The following SCN8A variants were observed in gnomAD, a reference collection of about 807,000 sequenced individuals.
SCN8A encodes the protein sodium voltage-gated channel alpha subunit 8, also known as sodium channel protein type 8 subunit alpha.
SCN8A carries 30 observed loss-of-function variants against 184.1 expected under a neutral mutation model. The observed-to-expected ratio is 0.16, with a 90% confidence interval of 0.12 to 0.22. SCN8A has a LOEUF of 0.22. SCN8A is among the 10% of genes least tolerant of loss of function. The probability of loss-of-function intolerance (pLI) is 1.00; values close to 1 mark genes in which losing one functional copy is unlikely to be tolerated. For synonymous variants in SCN8A, 852 were observed against 907.0 expected, an observed-to-expected ratio of 0.94 and a Z score of 1.09; for missense variants, 1,057 against 2,498.9, an observed-to-expected ratio of 0.42 and a Z score of 12.30.
In SCN8A at chr12:51,774,215, G is replaced by A; in HGVS notation, c.3672G>A (p.Gln1224=). Reference sequence around the variant, plus strand: ...CCTTCGAGGACATCTACATTGAGCAGAGAAAGACCATCCGCACCATCCTGG... The same window carrying A: ...CCTTCGAGGACATCTACATTGAGCAAAGAAAGACCATCCGCACCATCCTGG... ...ALAFEDIYIE[Q]RKTIRTILEY... The change falls in exon 20 of 27, where the codon CAG becomes CAA. Residue 1224 remains glutamine (Q), a synonymous_variant. Transcript: ENST00000627620. 1 of 1,613,764 alleles carries A rather than the reference G, an allele frequency of 6.2e-7. No homozygotes were observed. The highest frequency in any genetic ancestry group is 8.5e-7 in the Non-Finnish European group (1 of 1,179,762).
intron 1 of SCN8A, among the ~76,000 whole-genome samples, chr12:51,617,968 T>C (rs1471968440): frequency 6.6e-6 from 1 of 152,178 alleles, no homozygotes; most frequent in Admixed American, 6.5e-5. Context: ...CATGCACAGC[T>C]TGGAGATGAG....
rs763887945 is a variant in SCN8A at position 51,746,034 on chromosome 12, A to C, written c.2130A>C (p.Glu710Asp). 7 of 1,602,934 alleles carry C rather than the reference A, an allele frequency of 4.4e-6. No individual in the cohort carries two copies. The East Asian group carries it at 1.3e-4, about 31-fold the overall frequency. ...IMSVVTNTLV[E>D]ELEESQRKCP... ...GTGTTGTTACAAATACACTAGTAGA[A>C]GGTATGTGCCCTATAATGTCAGTCC... The change falls in exon 13 of 27, where the codon GAA (glutamate) becomes GAC (aspartate). Residue 710 changes from glutamate (E) to aspartate (D), a missense_variant and splice_region_variant. Around this residue, in one of 19 missense-constraint regions of SCN8A, gnomAD observed 322 missense variants for 390.1 expected, o/e 0.83. Coordinates refer to ENST00000627620, the MANE Select transcript of SCN8A (RefSeq NM_001330260.2).
Position 51,684,221 on chromosome 12 carries a change from C to T in SCN8A, c.324C>T (p.Ala108=), listed in dbSNP as rs146485624. 94 of 1,608,944 alleles carry T rather than the reference C, an allele frequency of 5.8e-5. No homozygotes were observed. The East Asian group carries it at 2.0e-3, about 35-fold the overall frequency. Residue 108 remains alanine (A), a synonymous_variant, in exon 3 of 27, where the codon GCC becomes GCT. Coordinates refer to ENST00000627620, the MANE Select transcript of SCN8A (RefSeq NM_001330260.2). Reference sequence around the variant, plus strand: ...GGAAAACTCTCTTCAGATTTAGTGCCACGCCTGCCTTGTACATTTTAAGTC... The same window carrying T: ...GGAAAACTCTCTTCAGATTTAGTGCTACGCCTGCCTTGTACATTTTAAGTC... The part of the protein sequence containing the change: ...NRGKTLFRFS[A]TPALYILSPF...
intron 5 of SCN8A, 23 bp from the exon 6 acceptor site, chr12:51,688,982 G>C (rs1173705013): frequency 1.9e-6 from 3 of 1,602,206 alleles, no homozygotes; most frequent in East Asian, 2.2e-5. Context: ...ACTTGTGTCT[G>C]TGTGTGACCT....
chr12:51,636,590 G>T (rs10783462), intron 1 of SCN8A, among the ~76,000 whole-genome samples: 110,440 of 152,106 alleles, frequency 0.73, 42,527 homozygotes, highest in East Asian at 0.85. Flanking sequence ...GGTTTCCTTG[G>T]ATATTGAAGA....
In SCN8A at chr12:51,780,643, G is replaced by A; in HGVS notation, c.3820-6G>A. On this transcript the variant is annotated splice_region_variant and splice_polypyrimidine_tract_variant and intron_variant, in intron 20 of 26. Coordinates refer to ENST00000627620, the MANE Select transcript of SCN8A (RefSeq NM_001330260.2). Reference sequence around the variant, plus strand: ...GTTTTTGTTTTTCTCTTCTGTTTCTGTGTAGGTCTCTTTAGTCAGCCTTAT... The same window carrying A: ...GTTTTTGTTTTTCTCTTCTGTTTCTATGTAGGTCTCTTTAGTCAGCCTTAT... The A allele has an allele frequency of 9.4e-7, 1 of 1,060,838 alleles. No individual in the cohort carries two copies. Among genetic ancestry groups the A allele is most frequent in the East Asian group, 6.8e-5 (1 of 14,644 alleles). 65.7% of individuals were successfully genotyped at this position (1,060,838 alleles called of 1,614,324 possible).
intron 6 of SCN8A, among the ~76,000 whole-genome samples, chr12:51,693,196 C>T (rs890194214): frequency 5.3e-5 from 8 of 152,136 alleles, no homozygotes; most frequent in Non-Finnish European, 5.9e-5. Flanking sequence ...GAGATATAAA[C>T]GGTTTTAAGA....
chr12:51,689,296 C>T lies in SCN8A; in HGVS notation c.706+200C>T, dbSNP rs952407725. ...GAGTGCTTGCCAGGCATGCAGCCCCCATTCCATCCATGCTATTGAAAAAGC... is the reference window on the plus strand; with the variant it reads ...GAGTGCTTGCCAGGCATGCAGCCCCTATTCCATCCATGCTATTGAAAAAGC... On this transcript the variant is annotated intron_variant, in intron 6 of 26. Coordinates refer to ENST00000627620, the MANE Select transcript of SCN8A (RefSeq NM_001330260.2). The T allele has an allele frequency of 2.5e-5, 14 of 567,418 alleles. No homozygotes were observed. The Admixed American group carries it at 3.4e-4, about 14-fold the overall frequency. 35.1% of individuals were successfully genotyped at this position (567,418 alleles called of 1,614,324 possible).
At chr12:51,634,087 A>G (rs2138619861) in intron 1 of SCN8A, among the ~76,000 whole-genome samples, 1 of 152,360 alleles carries the variant, frequency 6.6e-6, no homozygotes, top group East Asian at 1.9e-4. Context: ...ATTATCTTAG[A>G]GTCAAACAAT....
chr12:51,688,995 C>G lies in SCN8A; in HGVS notation c.615-10C>G, dbSNP rs1381398989. 3.1e-6 allele frequency: 5 copies of G among 1,611,746 alleles called. No individual in the cohort carries two copies. In the Middle Eastern group the frequency reaches 5.0e-4, roughly 160 times the overall value. On this transcript the variant is annotated splice_polypyrimidine_tract_variant and intron_variant, in intron 5 of 26. Coordinates refer to ENST00000627620, the MANE Select transcript of SCN8A (RefSeq NM_001330260.2). ...TCACTTGTGTCTGTGTGTGACCTCC[C>G]TTACTACAGATATGTGACAGAGTTT...
At chr12:51,773,421 T>C (rs1942959987) in intron 19 of SCN8A, among the ~76,000 whole-genome samples, 1 of 152,224 alleles carries the variant, frequency 6.6e-6, no homozygotes, top group African/African-American at 2.4e-5. Flanking sequence ...TTTCTTCACC[T>C]GAGTATCTCC....
At chr12:51,677,004 G>C (rs767176820) in intron 2 of SCN8A, among the ~76,000 whole-genome samples, 1 of 152,018 alleles carries the variant, frequency 6.6e-6, no homozygotes, top group Non-Finnish European at 1.5e-5. Context: ...CCCCTGCATT[G>C]AGTACTCTTC....
intron 1 of SCN8A, among the ~76,000 whole-genome samples, chr12:51,635,628 A>T (rs1048034436): frequency 1.3e-5 from 2 of 152,156 alleles, no homozygotes; most frequent in African/African-American, 4.8e-5. Flanking sequence ...TTCTCTCTGG[A>T]ACTCTTAAGT....
At chr12:51,749,622 G>T (rs1297832359) in intron 13 of SCN8A, among the ~76,000 whole-genome samples, 1 of 152,036 alleles carries the variant, frequency 6.6e-6, no homozygotes, top group Non-Finnish European at 1.5e-5. Context: ...CCTTTCCCAC[G>T]CAGCCTCCCA....
At chr12:51,689,313 T>A in intron 6 of SCN8A, 1 of 528,088 alleles carries the variant, frequency 1.9e-6, no homozygotes, top group Non-Finnish European at 3.4e-6. Context: ...TCCATGCTAT[T>A]GAAAAAGCAC....
chr12:51,702,448 A>AT (rs1400849134), intron 8 of SCN8A, among the ~76,000 whole-genome samples: 4 of 152,170 alleles, frequency 2.6e-5, no homozygotes, highest in African/African-American at 9.7e-5. Context: ...TTTGGCATGC[A>AT]TAAGAATCAC....
chr12:51,597,877 G>T (rs1481258780), intron 1 of SCN8A, among the ~76,000 whole-genome samples: 4 of 152,032 alleles, frequency 2.6e-5, no homozygotes, highest in African/African-American at 9.7e-5. Flanking sequence ...AGGCTTTTGT[G>T]TTACATTCAC....
At chr12:51,656,379 A>C (rs1940821824) in intron 1 of SCN8A, among the ~76,000 whole-genome samples, 1 of 152,240 alleles carries the variant, frequency 6.6e-6, no homozygotes, top group Non-Finnish European at 1.5e-5. Flanking sequence ...GAATACCTAC[A>C]TGGCCTTGGA....
intron 1 of SCN8A, among the ~76,000 whole-genome samples, chr12:51,614,812 A>G (rs978904571): frequency 2.1e-5 from 3 of 146,056 alleles, no homozygotes; most frequent in Non-Finnish European, 4.5e-5. Flanking sequence ...ATCCATTCTG[A>G]CAACCTCTCT....
Sources: allele counts gnomAD v4.1 joint callset (sites outside exome capture counted in the v4.1 genomes callset), GRCh38; gene constraint gnomAD v4.1.1; regional missense constraint gnomAD v4.1.1; transcripts MANE v1.5; gene names NCBI Gene and HGNC (gene_info 2026-07-23, HGNC 2026-07-21).